CLCN6: variants seen among roughly 807,000 people sequenced by gnomAD.
CLCN6 encodes the protein H(+)/Cl(-) exchange transporter 6.
CLCN6 carries 70 observed loss-of-function variants against 109.8 expected under a neutral mutation model. That is an observed-to-expected ratio of 0.64 (90% CI 0.53 to 0.78). CLCN6 has a LOEUF of 0.78. CLCN6 is among the 30% of genes least tolerant of loss of function. The pLI, the probability that CLCN6 is intolerant of heterozygous loss-of-function variation, is 0.00. For missense variants in CLCN6, 984 were observed against 1,142.3 expected, an observed-to-expected ratio of 0.86 and a Z score of 2.00; for synonymous variants, 444 against 447.8, an observed-to-expected ratio of 0.99 and a Z score of 0.11.
At chr1:11,806,972 A>G (rs1350574572) in intron 1 of CLCN6, 159 bp from the exon 2 acceptor site, 7 of 634,110 alleles carry the variant, frequency 1.1e-5, no homozygotes, top group African/African-American at 1.1e-4. Flanking sequence ...CCTCACCCAC[A>G]TGGTCCCTCA....
At chr1:11,806,819 A>C in intron 1 of CLCN6, 1 of 393,104 alleles carries the variant, frequency 2.5e-6, no homozygotes, top group East Asian at 4.5e-5. Flanking sequence ...TTCTGATTTC[A>C]GATACGTCAC....
intron 18 of CLCN6, 90 bp from the exon 19 acceptor site, chr1:11,836,909 A>T: frequency 6.7e-7 from 1 of 1,481,712 alleles, no homozygotes; most frequent in Non-Finnish European, 9.2e-7. Flanking sequence ...TGTGCTTCTG[A>T]CCCTCCCTGT....
intron 12 of CLCN6, 139 bp from the exon 13 acceptor site, chr1:11,829,057 C>A: frequency 1.0e-6 from 1 of 964,322 alleles, no homozygotes; most frequent in Non-Finnish European, 1.6e-6. Context: ...ATCAATTCTG[C>A]ACACATGTTG....
intron 18 of CLCN6, among the ~76,000 whole-genome samples, chr1:11,836,577 A>T (rs763028710): frequency 4.6e-5 from 7 of 152,156 alleles, no homozygotes; most frequent in Non-Finnish European, 1.0e-4. Context: ...GGTCTAGCAG[A>T]CATCCCTTGG....
chr1:11,815,948 C>T, intron 3 of CLCN6, 37 bp downstream of exon 3: 2 of 1,494,228 alleles, frequency 1.3e-6, no homozygotes, highest in Non-Finnish European at 1.9e-6. Flanking sequence ...GGGATCAAAT[C>T]AGTCTTAACA....
rs1440502776 is a variant in CLCN6, at chr1:11,829,201, TAGAG to T, written c.1130_1133del (p.Glu377AlafsTer7). ...AGCTGTGCTTTGCCTCCTAGAGTCTTAGAGAGCCTCCTTGTGTCTCTGGTAACCA... is the reference window on the plus strand; with the variant it reads ...AGCTGTGCTTTGCCTCCTAGAGTCTTAGCCTCCTTGTGTCTCTGGTAACCA... On this transcript the variant is annotated frameshift_variant, in exon 13 of 23. Coordinates refer to ENST00000346436, the MANE Select transcript of CLCN6 (RefSeq NM_001286.5). LOFTEE classifies it high-confidence loss of function. The T allele has an allele frequency of 3.1e-6, 5 of 1,613,904 alleles. No individual in the cohort carries two copies. Among genetic ancestry groups the T allele is most frequent in the African/African-American group, 1.3e-5 (1 of 74,912 alleles).
rs1645029195 is a variant in CLCN6 at position 11,841,955 on chromosome 1, C to T, written c.*1732C>T. ...TCCCAGGAAATAGCGCAGGACATCACAAGGACCAAAAAGGCAATTCTTATT... is the reference window on the plus strand; with the variant it reads ...TCCCAGGAAATAGCGCAGGACATCATAAGGACCAAAAAGGCAATTCTTATT... On this transcript the variant is annotated 3_prime_UTR_variant, in exon 23 of 23. Coordinates refer to ENST00000346436, the MANE Select transcript of CLCN6 (RefSeq NM_001286.5). The T allele has an allele frequency of 6.6e-6, 1 of 152,242 alleles. No individual in the cohort carries two copies. Among genetic ancestry groups the T allele is most frequent in the African/African-American group, 2.4e-5 (1 of 41,460 alleles). The allele number at this position is 152,242 out of a possible 1,614,324, so 9.4% of individuals were successfully genotyped here.
chr1:11,833,478 G>A (rs750320565), intron 13 of CLCN6, 37 bp from the exon 14 acceptor site: 1 of 1,609,404 alleles, frequency 6.2e-7, no homozygotes, highest in South Asian at 1.1e-5. Flanking sequence ...TCAAAGTCAG[G>A]TGTCCTTGTA....
At chr1:11,830,727 T>C (rs1199063396) in intron 13 of CLCN6, among the ~76,000 whole-genome samples, 3 of 135,648 alleles carry the variant, frequency 2.2e-5, no homozygotes, top group Non-Finnish European at 4.6e-5. Context: ...TCCCCAGTTA[T>C]ATGTATATAT....
chr1:11,829,148 C>T (rs2100643938), intron 12 of CLCN6, 48 bp from the exon 13 acceptor site: 3 of 1,600,248 alleles, frequency 1.9e-6, no homozygotes, highest in South Asian at 2.2e-5. Flanking sequence ...ATTTCTGAGA[C>T]CAGAGCTTCT....
chr1:11,809,480 T>G (rs1215298758), intron 2 of CLCN6, among the ~76,000 whole-genome samples: 2 of 152,086 alleles, frequency 1.3e-5, no homozygotes, highest in Non-Finnish European at 2.9e-5. Flanking sequence ...TGAGACAGAG[T>G]CTCACTCTGT....
intron 1 of CLCN6, chr1:11,806,566 G>C (rs1318440768): frequency 2.1e-6 from 1 of 467,418 alleles, no homozygotes; most frequent in African/African-American, 2.0e-5. Flanking sequence ...GGAGAATCCA[G>C]GCCAGCTCCA....
intron 2 of CLCN6, among the ~76,000 whole-genome samples, chr1:11,813,770 T>TA (rs1644633826): frequency 6.6e-6 from 1 of 152,222 alleles, no homozygotes; most frequent in Non-Finnish European, 1.5e-5. Context: ...AATATCTCCT[T>TA]AAGCACTACC....
chr1:11,819,412 A>C, intron 4 of CLCN6, 76 bp from the exon 5 acceptor site: 1 of 1,366,056 alleles, frequency 7.3e-7, no homozygotes, highest in Non-Finnish European at 1.0e-6. Context: ...AGATGCCTTC[A>C]AGAGGAGCAC....
Position 11,816,630 on chromosome 1 carries a change from G to A in CLCN6, c.229G>A (p.Glu77Lys), listed in dbSNP as rs766108834. The change falls in exon 4 of 23, where the codon GAG becomes AAG. Residue 77 changes from glutamate to lysine, a missense_variant. By Grantham distance (56) the Glu-to-Lys change is moderately conservative. Coordinates refer to ENST00000346436, the MANE Select transcript of CLCN6 (RefSeq NM_001286.5). ...GTGTGAACAGAAAGGTCGAAGATAT[G>A]AGGCGGTGAAGTGGATGGTGGTGTT... ...TMDNKKGRRY[E>K]AVKWMVVFAI... The A allele has an allele frequency of 6.2e-7, 1 of 1,613,200 alleles. No individual in the cohort carries two copies. Among genetic ancestry groups the A allele is most frequent in the Non-Finnish European group, 8.5e-7 (1 of 1,179,580 alleles).
In CLCN6 at chr1:11,834,162, G is replaced by A. The variant is rs967607050; in HGVS notation, c.1527-74G>A. 8 of 1,594,402 alleles carry A rather than the reference G, an allele frequency of 5.0e-6. No individual in the cohort carries two copies. The African/African-American group carries it at 5.4e-5, about 11-fold the overall frequency. ...TGCACATATGTGCATAGGCACAAGA[G>A]TATGAGCTGTAGGTCCTCCCCACAG... On this transcript the variant is annotated intron_variant, in intron 15 of 22. Coordinates refer to ENST00000346436, the MANE Select transcript of CLCN6 (RefSeq NM_001286.5). The surrounding 1 kb of genome is among the most constrained non-coding windows in gnomAD (Gnocchi z 4.5).
chr1:11,828,241 A>G lies in CLCN6; in HGVS notation c.954+22A>G, dbSNP rs756757065. 5 of 1,596,220 alleles carry G rather than the reference A, an allele frequency of 3.1e-6. No individual in the cohort carries two copies. The Admixed American group carries it at 6.7e-5, about 21-fold the overall frequency. ...TAAGGTATGTTTTGTCCTTTCCCCA[A>G]GGATTTTTAATTTGACCCATGAAAA... On this transcript the variant is annotated intron_variant, in intron 11 of 22. Transcript: ENST00000346436.
At chr1:11,835,144 TCTCTGTCACGACTACTCGA>T (rs1283122646) in intron 17 of CLCN6, among the ~76,000 whole-genome samples, 2 of 152,194 alleles carry the variant, frequency 1.3e-5, no homozygotes, top group African/African-American at 4.8e-5. Context: ...GGCTGTATGG[TCTCTGTCACGACTACTCGA>T]CTCTGTCATT....
Position 11,842,615 on chromosome 1 carries a change from G to T in CLCN6, c.*2392G>T, listed in dbSNP as rs1425344741. On this transcript the variant is annotated 3_prime_UTR_variant, in exon 23 of 23. Transcript: ENST00000346436. Reference sequence around the variant, plus strand: ...AGATCTGTGGATGGGGAGCCTACGGGTGGTAAGAAGTGGTGTTTTGTGTTT... The same window carrying T: ...AGATCTGTGGATGGGGAGCCTACGGTTGGTAAGAAGTGGTGTTTTGTGTTT... 6.5e-6 allele frequency: 1 copy of T among 152,720 alleles called. No homozygotes were observed. The highest frequency in any genetic ancestry group is 1.5e-5 in the Non-Finnish European group (1 of 68,080). The allele number at this position is 152,720 out of a possible 1,614,324, so 9.5% of individuals were successfully genotyped here.
Sources: gnomAD v4.1 joint callset for allele counts (sites outside exome capture counted in the v4.1 genomes callset) on GRCh38, gnomAD v4.1.1 for gene constraint, Gnocchi (gnomAD v3.1) non-coding constraint, MANE v1.5 for transcripts, NCBI Gene and HGNC (gene_info 2026-07-23, HGNC 2026-07-21) for gene names.